Variants in CHRNA3 observed in about 807,000 individuals in gnomAD.
CHRNA3 encodes cholinergic receptor nicotinic alpha 3 subunit.
A neutral mutation model predicts 41.9 loss-of-function variants in CHRNA3; 34 were observed. That is an observed-to-expected ratio of 0.81 (90% CI 0.62 to 1.08). The LOEUF is 1.08. Among genes scored for constraint, CHRNA3 ranks in the 50% least tolerant of loss-of-function variants. The probability of loss-of-function intolerance (pLI) is 0.00; values close to 1 mark genes in which losing one functional copy is unlikely to be tolerated. For synonymous variants in CHRNA3, 281 were observed against 265.2 expected, an observed-to-expected ratio of 1.06 and a Z score of -0.58; for missense variants, 542 against 638.3, an observed-to-expected ratio of 0.85 and a Z score of 1.63.
In CHRNA3 at chr15:78,617,252, TCCATG is replaced by T. The variant is rs2053477595; in HGVS notation, c.268-124_268-120del. On this transcript the variant is annotated intron_variant, in intron 3 of 5. Coordinates refer to ENST00000326828, the MANE Select transcript of CHRNA3 (RefSeq NM_000743.5). The stretch of plus-strand genomic sequence containing the variant: ...CCCTGCTGCATGTGACCGAACCACA[TCCATG>T]CCATGATCACATAGTCCAACTTCTC... 2.3e-5 allele frequency: 15 copies of T among 656,636 alleles called. 1 individual carries two copies. In the South Asian group the frequency reaches 2.5e-4, roughly 11 times the overall value. 40.7% of individuals were successfully genotyped at this position (656,636 alleles called of 1,614,324 possible).
At position 78,596,697 on chromosome 15, in the gene CHRNA3, A is replaced by G; in HGVS notation, c.1425T>C (p.Ile475=). 6.2e-7 allele frequency: 1 copy of G among 1,613,060 alleles called. No homozygotes were observed. The highest frequency in any genetic ancestry group is 8.5e-7 in the Non-Finnish European group (1 of 1,179,850). Residue 475 remains isoleucine (I), a synonymous_variant, in exon 6 of 6, where the codon ATT becomes ATC. Transcript: ENST00000326828. ...TGAAAACCCACAGAAAAATACGATC[A>G]ATCACCATGGCAACATACTTCCAAT... ...QDDWKYVAMV[I]DRIFLWVFTL...
intron 4 of CHRNA3, among the ~76,000 whole-genome samples, chr15:78,605,122 G>A (rs893366827): frequency 5.3e-5 from 8 of 152,096 alleles, no homozygotes; most frequent in Admixed American, 4.6e-4. Flanking sequence ...AAAAGAAAAG[G>A]TAGTATGGGT....
rs939915401 is a variant in CHRNA3, at chr15:78,610,586, A to G, written c.377+6438T>C. 9.0e-4 allele frequency among the ~76,000 whole-genome samples: 137 copies of G among 152,076 alleles called. 1 individual carries two copies. The highest frequency in any genetic ancestry group is 1.4e-3 in the Non-Finnish European group (97 of 67,980). ...GACGCATTCAAAGCAGTGTGTAGAG[A>G]GAAATTTATAGCACTAAATGCCCAC... On this transcript the variant is annotated intron_variant, in intron 4 of 5. Coordinates refer to ENST00000326828, the MANE Select transcript of CHRNA3 (RefSeq NM_000743.5).
chr15:78,599,197 T>C (rs1308908276), intron 5 of CHRNA3, among the ~76,000 whole-genome samples: 2 of 152,052 alleles, frequency 1.3e-5, no homozygotes, highest in Admixed American at 6.6e-5. Context: ...AGGATGGTTT[T>C]GAACTCCTGG....
chr15:78,596,408 A>G lies in CHRNA3; in HGVS notation c.*196T>C. On this transcript the variant is annotated 3_prime_UTR_variant, in exon 6 of 6. Coordinates refer to ENST00000326828, the MANE Select transcript of CHRNA3 (RefSeq NM_000743.5). ...TTACCATACCAAAAAGGCTAGTTAAATGTTCATTTATCGGTAATAAATACT... is the reference window on the plus strand; with the variant it reads ...TTACCATACCAAAAAGGCTAGTTAAGTGTTCATTTATCGGTAATAAATACT... 1.6e-6 allele frequency: 2 copies of G among 1,253,922 alleles called. No homozygotes were observed. The highest frequency in any genetic ancestry group is 6.7e-5 in the East Asian group (2 of 29,762). The allele number at this position is 1,253,922 out of a possible 1,614,324, so 77.7% of individuals were successfully genotyped here.
At position 78,596,217 on chromosome 15, in the gene CHRNA3, TAAG is replaced by T. The variant is rs761112468; in HGVS notation, c.*384_*386del. ...ACCTTCAAAGAGATTATGGGCTAAA[TAAG>T]AAAAATTACTGGGAGATCTGTAGTG... On this transcript the variant is annotated 3_prime_UTR_variant, in exon 6 of 6. Transcript: ENST00000326828. 13 of 987,170 alleles carry T rather than the reference TAAG, an allele frequency of 1.3e-5. No individual in the cohort carries two copies. Among genetic ancestry groups the T allele is most frequent in the Non-Finnish European group, 1.6e-5 (13 of 831,238 alleles). The allele number at this position is 987,170 out of a possible 1,614,324, so 61.2% of individuals were successfully genotyped here. A position where few individuals can be genotyped will look rare whatever the true frequency, so the allele number is the denominator to read the frequency against.
intron 4 of CHRNA3, among the ~76,000 whole-genome samples, chr15:78,613,951 G>C (rs74428004): frequency 1.3e-5 from 2 of 151,626 alleles, no homozygotes; most frequent in South Asian, 2.1e-4. Context: ...ATCTCGGGGT[G>C]GGGGGAAAAA....
downstream of CHRNA3, chr15:78,593,200 T>C: frequency 6.2e-7 from 1 of 1,613,724 alleles, no homozygotes. Flanking sequence ...TCCTGTTATT[T>C]ATAAATGGGC....
chr15:78,601,196 C>T, intron 5 of CHRNA3, 57 bp downstream of exon 5: 2 of 1,552,274 alleles, frequency 1.3e-6, no homozygotes, highest in South Asian at 1.2e-5. Context: ...CCACGAGGAA[C>T]CCATAAATAT....
chr15:78,603,901 T>G (rs945542680), intron 4 of CHRNA3, among the ~76,000 whole-genome samples: 3 of 151,896 alleles, frequency 2.0e-5, no homozygotes, highest in African/African-American at 7.3e-5. Context: ...GGTAGGAGGG[T>G]GGGGTGGAGG....
rs932675833 is a variant in CHRNA3 at position 78,620,921 on chromosome 15, G to A, written c.-127C>T. 8 of 1,180,300 alleles carry A rather than the reference G, an allele frequency of 6.8e-6. No individual in the cohort carries two copies. The highest frequency in any genetic ancestry group is 1.6e-5 in the African/African-American group (1 of 62,486). 73.1% of individuals were successfully genotyped at this position (1,180,300 alleles called of 1,614,324 possible). A position where few individuals can be genotyped will look rare whatever the true frequency, so the allele number is the denominator to read the frequency against. On this transcript the variant is annotated 5_prime_UTR_variant, in exon 1 of 6. Coordinates refer to ENST00000326828, the MANE Select transcript of CHRNA3 (RefSeq NM_000743.5). ...TGGAGCCGTGCGGGCGGAGACGCGC[G>A]GGGCTCCTCTCCGCTTCGCCGCCGC...
chr15:78,618,490 C>A, intron 3 of CHRNA3, 127 bp downstream of exon 3: 3 of 1,038,300 alleles, frequency 2.9e-6, no homozygotes, highest in South Asian at 2.8e-5. Context: ...ATCTGCCAGT[C>A]AGTGGACCCC....
chr15:78,605,208 A>G (rs530051951), intron 4 of CHRNA3, among the ~76,000 whole-genome samples: 1 of 152,326 alleles, frequency 6.6e-6, no homozygotes, highest in South Asian at 2.1e-4. Context: ...GGTGAGGGCT[A>G]TGAGAAAGAT....
At chr15:78,607,797 G>A (rs1006442779) in intron 4 of CHRNA3, among the ~76,000 whole-genome samples, 4 of 152,254 alleles carry the variant, frequency 2.6e-5, no homozygotes, top group African/African-American at 9.6e-5. Context: ...AGCACAAGGG[G>A]TCAGGGAGTT....
chr15:78,616,914 G>A (rs1034872273), intron 4 of CHRNA3, 110 bp downstream of exon 4: 3 of 664,046 alleles, frequency 4.5e-6, no homozygotes, highest in African/African-American at 3.6e-5. Context: ...ACAAATGAAT[G>A]CAGCCTTCTT....
At chr15:78,600,900 A>C (rs1325296915) in intron 5 of CHRNA3, among the ~76,000 whole-genome samples, 1 of 152,052 alleles carries the variant, frequency 6.6e-6, no homozygotes, top group Non-Finnish European at 1.5e-5. Flanking sequence ...ATATAACCTC[A>C]ATTAACCAAT....
rs201207154 is a variant in CHRNA3 at position 78,601,934 on chromosome 15, G to A, written c.708C>T (p.Tyr236=). ...TGTAGAACAAGGGCAGGCGCCGGATGTACAGCGAGTATGTGATGTCGGGGT... is the reference window on the plus strand; with the variant it reads ...TGTAGAACAAGGGCAGGCGCCGGATATACAGCGAGTATGTGATGTCGGGGT... ...EIYPDITYSL[Y]IRRLPLFYTI... The change falls in exon 5 of 6, where the codon TAC becomes TAT. Residue 236 remains tyrosine, a synonymous_variant. Coordinates refer to ENST00000326828, the MANE Select transcript of CHRNA3 (RefSeq NM_000743.5). The A allele has an allele frequency of 2.5e-6, 4 of 1,609,408 alleles. No individual in the cohort carries two copies. Among genetic ancestry groups the A allele is most frequent in the East Asian group, 2.2e-5 (1 of 44,594 alleles).
chr15:78,620,586 C>T, intron 1 of CHRNA3, 127 bp downstream of exon 1: 2 of 1,360,628 alleles, frequency 1.5e-6, no homozygotes, highest in Non-Finnish European at 1.9e-6. Context: ...GCGCGGGTTC[C>T]GAGTCCCCGG....
chr15:78,613,856 G>A (rs1466115323), intron 4 of CHRNA3, among the ~76,000 whole-genome samples: 3 of 151,796 alleles, frequency 2.0e-5, no homozygotes, highest in Non-Finnish European at 2.9e-5. Flanking sequence ...TGAGGTAGGA[G>A]AATGGCGTGA....
Sources: gnomAD v4.1 joint callset for allele counts (sites outside exome capture counted in the v4.1 genomes callset) on GRCh38, gnomAD v4.1.1 for gene constraint, MANE v1.5 for transcripts, NCBI Gene and HGNC (gene_info 2026-07-23, HGNC 2026-07-21) for gene names.